Variants in CPZ observed in about 807,000 individuals in gnomAD.
The protein encoded by CPZ is carboxypeptidase Z, also known as VEZT/CPZ fusion.
In CPZ, 103 loss-of-function variants were observed where a neutral mutation model predicts 61.8. The ratio of observed to expected loss-of-function variants is 1.67; its 90% CI spans 1.42 to 1.96. CPZ has a LOEUF of 1.96. CPZ is among the 30% of genes most tolerant of loss of function. CPZ has a pLI of 0.00. For synonymous variants in CPZ, 551 were observed against 373.7 expected (o/e 1.47, Z -5.47); for missense variants, 1,461 against 914.9 (o/e 1.60, Z -7.70).
At chr4:8,616,294 G>T (rs1003049885) in intron 9 of CPZ, among the ~76,000 whole-genome samples, 4 of 152,148 alleles carry the variant, frequency 2.6e-5, no homozygotes, top group Admixed American at 2.6e-4. Flanking sequence ...GGGAGGGGCG[G>T]CGTGGCAGCT....
rs560972613 is a variant in CPZ, at chr4:8,618,150, G to A, written c.1504-279G>A. ...GGCAGGAAAGGGTTCTCTGCTCAAT[G>A]CCCATAGAGATGGAGTCAGCCAGGC... On this transcript the variant is annotated intron_variant, in intron 9 of 10. Transcript: ENST00000360986. The A allele has an allele frequency of 7.6e-4, 343 of 449,436 alleles. 1 individual carries two copies. The highest frequency in any genetic ancestry group is 6.1e-3 in the African/African-American group (308 of 50,326). 27.8% of individuals were successfully genotyped at this position (449,436 alleles called of 1,614,324 possible).
intron 1 of CPZ, among the ~76,000 whole-genome samples, chr4:8,595,221 C>T (rs1038354772): frequency 6.6e-6 from 1 of 152,176 alleles, no homozygotes; most frequent in African/African-American, 2.4e-5. Context: ...TTGATCTTGC[C>T]ACATGTGAAG....
rs78537066 is a variant in CPZ at position 8,619,512 on chromosome 4, G to T, written c.1854G>T (p.Pro618=). 6.3e-6 allele frequency: 10 copies of T among 1,597,842 alleles called. No homozygotes were observed. The highest frequency in any genetic ancestry group is 7.7e-6 in the Non-Finnish European group (9 of 1,170,540). ...TGGGGGAGGCCACGGAGCCCGACCC[G>T]CTCCGGGCGCGCAGGCAGCCCTCGG... ...SSLGEATEPD[P]LRARRQPSAD... is the part of the protein sequence containing the mutation. Residue 618 remains proline (P), a synonymous_variant, in exon 11 of 11, where the codon CCG becomes CCT. Coordinates refer to ENST00000360986, the MANE Select transcript of CPZ (RefSeq NM_001014447.3).
chr4:8,606,276 C>A (rs1309776923), intron 5 of CPZ, 91 bp downstream of exon 5: 4 of 1,271,798 alleles, frequency 3.1e-6, no homozygotes, highest in South Asian at 1.4e-5. Context: ...AGCAGTGCTT[C>A]GTTCCTGCCT....
In CPZ at chr4:8,618,473, G is replaced by A. The variant is rs1716393927; in HGVS notation, c.1548G>A (p.Lys516=). Residue 516 remains lysine, a synonymous_variant, in exon 10 of 11, where the codon AAG becomes AAA. Coordinates refer to ENST00000360986, the MANE Select transcript of CPZ (RefSeq NM_001014447.3). ...IKGVVTDKFG[K]PVKNARISVK... ...GTGTGGTGACAGATAAATTCGGCAAGCCAGTCAAAAACGCCCGGATCTCAG... is the reference window on the plus strand; with the variant it reads ...GTGTGGTGACAGATAAATTCGGCAAACCAGTCAAAAACGCCCGGATCTCAG... 4.3e-6 allele frequency: 7 copies of A among 1,614,084 alleles called. No individual in the cohort carries two copies. The highest frequency in any genetic ancestry group is 1.1e-5 in the South Asian group (1 of 91,080).
chr4:8,610,421 G>A (rs955012272), intron 7 of CPZ, among the ~76,000 whole-genome samples: 2 of 152,140 alleles, frequency 1.3e-5, no homozygotes, highest in Non-Finnish European at 2.9e-5. Flanking sequence ...TGGGAGGGAG[G>A]CCCCAGGGCA....
At chr4:8,611,273 A>C (rs1266134798) in intron 7 of CPZ, 2 of 456,258 alleles carry the variant, frequency 4.4e-6, no homozygotes, top group Non-Finnish European at 8.8e-6. Flanking sequence ...GCCCAAGGTC[A>C]GTCTGGGACT....
Position 8,615,280 on chromosome 4 carries a change from TCA to T in CPZ, c.1503+783_1503+784del, listed in dbSNP as rs150967067. On this transcript the variant is annotated intron_variant, in intron 9 of 10. Coordinates refer to ENST00000360986, the MANE Select transcript of CPZ (RefSeq NM_001014447.3). ...CAGAGAGCCAAGGTCTCCCTAGCAC[TCA>T]GTGTGAGAGTGGGGACTCTGTGCCC... Among the ~76,000 whole-genome samples the T allele has an allele frequency of 1.4e-3, 218 of 152,092 alleles. 4 individuals are homozygous for T. The East Asian group carries it at 0.034, about 24-fold the overall frequency.
At chr4:8,604,731 G>C (rs1289415982) in intron 4 of CPZ, among the ~76,000 whole-genome samples, 3 of 152,190 alleles carry the variant, frequency 2.0e-5, no homozygotes, top group East Asian at 1.9e-4. Context: ...GATCCGCCCA[G>C]CTCGGCCTCC....
At chr4:8,599,397 C>A (rs959694522) in intron 1 of CPZ, 56 bp from the exon 2 acceptor site, 1 of 1,544,636 alleles carries the variant, frequency 6.5e-7, no homozygotes, top group East Asian at 2.3e-5. Flanking sequence ...GTGTGTTGCC[C>A]GGTGAGTGAA....
intron 6 of CPZ, 27 bp from the exon 7 acceptor site, chr4:8,607,240 G>A (rs771049806): frequency 6.2e-7 from 1 of 1,609,794 alleles, no homozygotes; most frequent in South Asian, 1.1e-5. Flanking sequence ...GCCCAGCCCT[G>A]AGGGCGGCCT....
intron 4 of CPZ, among the ~76,000 whole-genome samples, chr4:8,605,322 T>TCATCCATCTATC (rs1553876713): frequency 5.3e-4 from 80 of 150,094 alleles, no homozygotes; most frequent in African/African-American, 1.7e-3. Flanking sequence ...ATTCATTTAT[T>TCATCCATCTATC]CATCCATCCA....
chr4:8,605,595 TATTC>T, intron 4 of CPZ, among the ~76,000 whole-genome samples: 1 of 103,506 alleles, frequency 9.7e-6, no homozygotes, highest in South Asian at 3.3e-4. Context: ...AGCCAGCCAT[TATTC>T]ATCCATCCAT....
At chr4:8,600,234 C>T (rs1026822787) in intron 2 of CPZ, among the ~76,000 whole-genome samples, 6 of 152,190 alleles carry the variant, frequency 3.9e-5, no homozygotes, top group African/African-American at 1.4e-4. Flanking sequence ...ATCTCAGCCT[C>T]CCAAAATGCT....
intron 9 of CPZ, among the ~76,000 whole-genome samples, chr4:8,617,746 T>A (rs970109467): frequency 1.3e-5 from 2 of 152,182 alleles, no homozygotes; most frequent in Non-Finnish European, 2.9e-5. Flanking sequence ...ACCTTCAGCA[T>A]CCTTGGACCC....
At chr4:8,609,008 ATCAT>A (rs1308054647) in intron 7 of CPZ, among the ~76,000 whole-genome samples, 3 of 52,674 alleles carry the variant, frequency 5.7e-5, no homozygotes, top group African/African-American at 1.9e-4. Context: ...TCACTTGTTC[ATCAT>A]TCATTAACTC....
rs376850108 is a variant in CPZ at position 8,607,457 on chromosome 4, G to A, written c.1227+32G>A. The A allele has an allele frequency of 1.7e-5, 28 of 1,608,670 alleles. No homozygotes were observed. The South Asian group carries it at 2.9e-4, about 17-fold the overall frequency. On this transcript the variant is annotated intron_variant, in intron 7 of 10. Coordinates refer to ENST00000360986, the MANE Select transcript of CPZ (RefSeq NM_001014447.3). ...GGGCTGTCGGGTGTGTGCAGGGGAG[G>A]GAGACAGTGTGCGCGGTCCCCTTGG...
chr4:8,614,229 A>G lies in CPZ; in HGVS notation c.1364-130A>G, dbSNP rs879158514. 357 of 1,282,248 alleles carry G rather than the reference A, an allele frequency of 2.8e-4. 2 individuals are homozygous for G. The South Asian group carries it at 4.3e-3, about 15-fold the overall frequency. 79.4% of individuals were successfully genotyped at this position (1,282,248 alleles called of 1,614,324 possible). A position where few individuals can be genotyped will look rare whatever the true frequency, so the allele number is the denominator to read the frequency against. On this transcript the variant is annotated intron_variant, in intron 8 of 10. Transcript: ENST00000360986. ...TGCTGGGCACTTGGCTGACACCCCGACGTCCCGGCTGTCTCTGCGCGGCTG... is the reference window on the plus strand; with the variant it reads ...TGCTGGGCACTTGGCTGACACCCCGGCGTCCCGGCTGTCTCTGCGCGGCTG...
At chr4:8,596,971 C>T (rs3756173) in intron 1 of CPZ, among the ~76,000 whole-genome samples, 50,847 of 152,182 alleles carry the variant, frequency 0.33, 9,466 homozygotes, top group South Asian at 0.46. Context: ...CACCCAAGCT[C>T]GCCAGCTCAG....
Sources: allele counts gnomAD v4.1 joint callset (sites outside exome capture counted in the v4.1 genomes callset), GRCh38; gene constraint gnomAD v4.1.1; transcripts MANE v1.5; gene names NCBI Gene and HGNC (gene_info 2026-07-23, HGNC 2026-07-21).